Variants in RFTN1 observed in about 807,000 individuals in gnomAD.
RFTN1 encodes raftlin, lipid raft linker 1.
RFTN1 carries 26 observed loss-of-function variants against 46.5 expected under a neutral mutation model. That is an observed-to-expected ratio of 0.56 (90% CI 0.41 to 0.78). The LOEUF (loss-of-function observed/expected upper bound fraction) is 0.78, where lower values mean the gene tolerates loss of function less well. RFTN1 is among the 30% of genes least tolerant of loss of function. The pLI, the probability that RFTN1 is intolerant of heterozygous loss-of-function variation, is 0.00. For synonymous variants in RFTN1, 261 were observed against 284.2 expected, an observed-to-expected ratio of 0.92 and a Z score of 0.82; for missense variants, 693 against 718.7, an observed-to-expected ratio of 0.96 and a Z score of 0.41.
In RFTN1 at chr3:16,329,236, C is replaced by G. The variant is rs1453271760; in HGVS notation, c.1147-2360G>C. On this transcript the variant is annotated intron_variant, in intron 7 of 9. Transcript: ENST00000334133. This position sits in a 1 kb window ranked among gnomAD's most constrained non-coding sequence, Gnocchi z 4.5. Reference sequence around the variant, plus strand: ...TGCCAGGCCCTCGACCTTGGACTTCCCAGCCTCCAGGACCAGGAGCCAAGA... The same window carrying G: ...TGCCAGGCCCTCGACCTTGGACTTCGCAGCCTCCAGGACCAGGAGCCAAGA... 6.6e-6 allele frequency among the ~76,000 whole-genome samples: 1 copy of G among 152,202 alleles called. No individual in the cohort carries two copies. Among genetic ancestry groups the G allele is most frequent in the Admixed American group, 6.5e-5 (1 of 15,286 alleles).
At position 16,384,311 on chromosome 3, in the gene RFTN1, T is replaced by C. The variant is rs534998914; in HGVS notation, c.442-6209A>G. ...AATTTTCTCTCTTCCCACCAGGAGG[T>C]AGGGGAAAATAAGATAGCACAGGGC... On this transcript the variant is annotated intron_variant, in intron 4 of 9. Coordinates refer to ENST00000334133, the MANE Select transcript of RFTN1 (RefSeq NM_015150.2). This position sits in a 1 kb window ranked among gnomAD's most constrained non-coding sequence, Gnocchi z 4.7. 1.2e-4 allele frequency among the ~76,000 whole-genome samples: 18 copies of C among 152,160 alleles called. No homozygotes were observed. In the East Asian group the frequency reaches 3.1e-3, roughly 26 times the overall value.
chr3:16,456,878 A>T (rs761834084), intron 2 of RFTN1, among the ~76,000 whole-genome samples: 7 of 152,248 alleles, frequency 4.6e-5, no homozygotes, highest in Non-Finnish European at 8.8e-5. Flanking sequence ...CCACTCTGAG[A>T]ACCACTGACC....
intron 2 of RFTN1, among the ~76,000 whole-genome samples, chr3:16,476,182 A>C (rs1423857263): frequency 2.0e-5 from 3 of 152,248 alleles, no homozygotes; most frequent in East Asian, 1.9e-4. Flanking sequence ...GGGTTCTGCC[A>C]GTAGGGGCTC....
At chr3:16,388,222 C>G (rs2074253944) in intron 4 of RFTN1, among the ~76,000 whole-genome samples, 1 of 152,222 alleles carries the variant, frequency 6.6e-6, no homozygotes. Context: ...CTGTTCCCCC[C>G]TCCATCTCCC....
intron 1 of RFTN1, among the ~76,000 whole-genome samples, chr3:16,508,387 C>G (rs1896822): frequency 0.55 from 84,278 of 152,116 alleles, 24,764 homozygotes; most frequent in African/African-American, 0.75. Flanking sequence ...TGCAGAATGT[C>G]ACCTGATTTT....
chr3:16,440,291 G>A lies in RFTN1; in HGVS notation c.146-6254C>T, dbSNP rs538729177. 3.3e-5 allele frequency among the ~76,000 whole-genome samples: 5 copies of A among 152,246 alleles called. No individual in the cohort carries two copies. Among genetic ancestry groups the A allele is most frequent in the East Asian group, 3.9e-4 (2 of 5,182 alleles). ...ACAATCTTGGCTCACTGAAACCTCCGCCTTCTGGACTCAAGTGATCCTCCT... is the reference window on the plus strand; with the variant it reads ...ACAATCTTGGCTCACTGAAACCTCCACCTTCTGGACTCAAGTGATCCTCCT... On this transcript the variant is annotated intron_variant, in intron 2 of 9. Coordinates refer to ENST00000334133, the MANE Select transcript of RFTN1 (RefSeq NM_015150.2). This position sits in a 1 kb window ranked among gnomAD's most constrained non-coding sequence, Gnocchi z 4.6.
intron 2 of RFTN1, chr3:16,454,699 C>G (rs1385803269): frequency 1.1e-6 from 1 of 921,646 alleles, no homozygotes; most frequent in Non-Finnish European, 1.3e-6. Context: ...TCATCCTTCA[C>G]AACTCTTTCT....
chr3:16,397,454 A>C (rs533257136), intron 4 of RFTN1, among the ~76,000 whole-genome samples: 1 of 152,328 alleles, frequency 6.6e-6, no homozygotes, highest in East Asian at 1.9e-4. Context: ...ATAATATTTT[A>C]TTGTATACTG....
intron 1 of RFTN1, among the ~76,000 whole-genome samples, chr3:16,503,017 A>G (rs2076738505): frequency 6.6e-6 from 1 of 152,210 alleles, no homozygotes; most frequent in Admixed American, 6.5e-5. Context: ...GTTTTGGTGT[A>G]ATTTGTTACA....
rs1054128956 is a variant in RFTN1 at position 16,512,261 on chromosome 3, C to T, written c.-9+1181G>A. The stretch of plus-strand genomic sequence containing the variant: ...ACACCCGGCTTCCTTCCTGGCAAGG[C>T]CTTAACTTATCCTGAGATGACACAC... On this transcript the variant is annotated intron_variant, in intron 1 of 9. Transcript: ENST00000334133. The surrounding 1 kb of genome is among the most constrained non-coding windows in gnomAD (Gnocchi z 4.3). Among the ~76,000 whole-genome samples, 1 of 152,148 alleles carries T rather than the reference C, an allele frequency of 6.6e-6. No individual in the cohort carries two copies. The highest frequency in any genetic ancestry group is 1.5e-5 in the Non-Finnish European group (1 of 68,030).
At chr3:16,403,501 A>G (rs1260211600) in intron 4 of RFTN1, among the ~76,000 whole-genome samples, 1 of 139,066 alleles carries the variant, frequency 7.2e-6, no homozygotes, top group Non-Finnish European at 1.5e-5. Flanking sequence ...TTTTAAATTT[A>G]AATAAACCAT....
chr3:16,482,833 C>G lies in RFTN1; in HGVS notation c.145+10892G>C, dbSNP rs1054352453. ...CAGGGAGGGCGCAGGGGCAGAACAG[C>G]CTTTCTGCCATGAAGATGAAGGACT... On this transcript the variant is annotated intron_variant, in intron 2 of 9. Coordinates refer to ENST00000334133, the MANE Select transcript of RFTN1 (RefSeq NM_015150.2). 9 of 1,535,884 alleles carry G rather than the reference C, an allele frequency of 5.9e-6. No individual in the cohort carries two copies. In the East Asian group the frequency reaches 2.0e-4, roughly 33 times the overall value.
At chr3:16,333,530 T>C (rs969928672) in intron 7 of RFTN1, among the ~76,000 whole-genome samples, 23 of 152,204 alleles carry the variant, frequency 1.5e-4, no homozygotes, top group Non-Finnish European at 2.5e-4. Context: ...AGAAAAGAAA[T>C]AGATGCCTGT....
In RFTN1 at chr3:16,433,811, C is replaced by G. The variant is rs373717899; in HGVS notation, c.332+40G>C. The G allele has an allele frequency of 4.6e-5, 73 of 1,603,276 alleles. No homozygotes were observed. The African/African-American group carries it at 9.4e-4, about 21-fold the overall frequency. ...CCCTCCTCTATTGAGCATAACTTAG[C>G]CGCAACAGGATGCTACCCATTCACC... On this transcript the variant is annotated intron_variant, in intron 3 of 9. Transcript: ENST00000334133. The surrounding 1 kb of genome is among the most constrained non-coding windows in gnomAD (Gnocchi z 4.4).
At chr3:16,404,523 C>T (rs13062235) in intron 4 of RFTN1, among the ~76,000 whole-genome samples, 4,144 of 148,796 alleles carry the variant, frequency 0.028, 79 homozygotes, top group Non-Finnish European at 0.041. Context: ...CACTAGAGCT[C>T]GCCAGACTAA....
Position 16,327,817 on chromosome 3 carries a change from C to T in RFTN1, c.1147-941G>A, listed in dbSNP as rs689822. Among the ~76,000 whole-genome samples, 54,226 of 151,644 alleles carry T rather than the reference C, an allele frequency of 0.36. 9,954 individuals are homozygous for T. Among genetic ancestry groups the T allele is most frequent in the Non-Finnish European group, 0.39 (26,690 of 67,786 alleles). Reference sequence around the variant, plus strand: ...GCCCCCTGCTAGCACAGGGAGAGAGCCCTGATGTGAGGCCCCTGCACTGGC... The same window carrying T: ...GCCCCCTGCTAGCACAGGGAGAGAGTCCTGATGTGAGGCCCCTGCACTGGC... On this transcript the variant is annotated intron_variant, in intron 7 of 9. Coordinates refer to ENST00000334133, the MANE Select transcript of RFTN1 (RefSeq NM_015150.2). This position sits in a 1 kb window ranked among gnomAD's most constrained non-coding sequence, Gnocchi z 4.2.
At chr3:16,437,188 C>T (rs1421125008) in intron 2 of RFTN1, among the ~76,000 whole-genome samples, 1 of 152,204 alleles carries the variant, frequency 6.6e-6, no homozygotes, top group Non-Finnish European at 1.5e-5. Flanking sequence ...AATACATTTT[C>T]CTTTTTCACT....
Position 16,434,857 on chromosome 3 carries a change from G to A in RFTN1, c.146-820C>T, listed in dbSNP as rs554680571. 8.5e-5 allele frequency: 13 copies of A among 152,114 alleles called. No individual in the cohort carries two copies. In the East Asian group the frequency reaches 2.1e-3, roughly 25 times the overall value. 9.4% of individuals were successfully genotyped at this position (152,114 alleles called of 1,614,324 possible). On this transcript the variant is annotated intron_variant, in intron 2 of 9. Transcript: ENST00000334133. ...CCCCACCCCAAAATAATTTTTAAAC[G>A]GGAAAAATATATGAATAGGCAATTG... is the stretch of plus-strand genomic sequence containing the variant.
rs997758139 is a variant in RFTN1, at chr3:16,446,914, A to G, written c.146-12877T>C. 1.3e-5 allele frequency among the ~76,000 whole-genome samples: 2 copies of G among 152,252 alleles called. No homozygotes were observed. Among genetic ancestry groups the G allele is most frequent in the Non-Finnish European group, 2.9e-5 (2 of 68,046 alleles). Reference sequence around the variant, plus strand: ...GGTGAATTTTCAAAAGCTTCTGAATATAGTAATATAAAATGACAAACTATG... The same window carrying G: ...GGTGAATTTTCAAAAGCTTCTGAATGTAGTAATATAAAATGACAAACTATG... On this transcript the variant is annotated intron_variant, in intron 2 of 9. Transcript: ENST00000334133. This position sits in a 1 kb window ranked among gnomAD's most constrained non-coding sequence, Gnocchi z 4.5.
Sources: gnomAD v4.1 joint callset for allele counts (sites outside exome capture counted in the v4.1 genomes callset) on GRCh38, gnomAD v4.1.1 for gene constraint, Gnocchi (gnomAD v3.1) non-coding constraint, MANE v1.5 for transcripts, NCBI Gene and HGNC (gene_info 2026-07-23, HGNC 2026-07-21) for gene names.